Variants in POLN observed in about 807,000 individuals in gnomAD.
The protein encoded by POLN is DNA polymerase nu.
Under a neutral mutation model 113.5 loss-of-function variants are expected in POLN, and 108 were observed. The ratio of observed to expected loss-of-function variants is 0.95; its 90% CI spans 0.81 to 1.12. POLN has a LOEUF of 1.12. Ranked by LOEUF, POLN falls within the 50% of genes most tolerant of loss-of-function variation. The pLI is 0.00. For synonymous variants in POLN, 386 were observed against 391.5 expected (o/e 0.99, Z 0.17); for missense variants, 1,097 against 1,077.1 (o/e 1.02, Z -0.26).
chr4:2,201,305 G>GAAAAAAAAAAAA (rs1733709580), intron 5 of POLN, among the ~76,000 whole-genome samples: 1 of 58,106 alleles, frequency 1.7e-5, no homozygotes, highest in African/African-American at 1.0e-4. Context: ...AAAAAAAAAC[G>GAAAAAAAAAAAA]AGGGGAGAAA....
At chr4:2,180,507 C>G (rs1733111540) in intron 7 of POLN, among the ~76,000 whole-genome samples, 1 of 151,956 alleles carries the variant, frequency 6.6e-6, no homozygotes, top group Admixed American at 6.6e-5. Context: ...TTATATTTAC[C>G]AAAGCAGCCA....
At chr4:2,181,043 T>TA (rs1733127322) in intron 7 of POLN, among the ~76,000 whole-genome samples, 1 of 150,460 alleles carries the variant, frequency 6.6e-6, no homozygotes, top group African/African-American at 2.4e-5. Flanking sequence ...ATTTCAGAAA[T>TA]AAAAACTAAA....
In POLN at chr4:2,213,116, C is replaced by T. The variant is rs768814650; in HGVS notation, c.144G>A (p.Val48=). 9.4e-6 allele frequency: 15 copies of T among 1,601,598 alleles called. No homozygotes were observed. The African/African-American group carries it at 2.0e-4, about 22-fold the overall frequency. Residue 48 remains valine, a synonymous_variant, in exon 4 of 26, where the codon GTG becomes GTA. Coordinates refer to ENST00000511885, the MANE Select transcript of POLN (RefSeq NM_181808.4). ...TWGKSTETME[V]INKSSVKYSV... is the part of the protein sequence containing the mutation. ...AATACTTAACACTGGACTTGTTTAT[C>T]ACTTCCATAGCTTTTAAAAACAACA...
intron 23 of POLN, 46 bp from the exon 24 acceptor site, chr4:2,075,565 G>T: frequency 6.3e-7 from 1 of 1,593,750 alleles, no homozygotes; most frequent in Non-Finnish European, 8.6e-7. Context: ...GGACTGTGGG[G>T]CGTGGGCCAC....
intron 4 of POLN, among the ~76,000 whole-genome samples, chr4:2,212,334 T>A (rs949635608): frequency 6.6e-6 from 1 of 152,140 alleles, no homozygotes; most frequent in Non-Finnish European, 1.5e-5. Context: ...AATTTCTCAA[T>A]GTTTTGCCTC....
intron 3 of POLN, among the ~76,000 whole-genome samples, chr4:2,214,592 G>A (rs1042553337): frequency 6.6e-6 from 1 of 152,056 alleles, no homozygotes; most frequent in Non-Finnish European, 1.5e-5. Context: ...CAATACTCAG[G>A]GAAACGCAAA....
At chr4:2,161,220 G>C (rs566180706) in intron 13 of POLN, among the ~76,000 whole-genome samples, 8 of 152,360 alleles carry the variant, frequency 5.3e-5, no homozygotes, top group African/African-American at 1.9e-4. Flanking sequence ...CCCCTTTCTG[G>C]GCTGGCCAAG....
At chr4:2,157,020 C>T (rs917642143) in intron 15 of POLN, among the ~76,000 whole-genome samples, 167 bp from the exon 16 acceptor site, 1 of 152,154 alleles carries the variant, frequency 6.6e-6, no homozygotes, top group Non-Finnish European at 1.5e-5. Flanking sequence ...TTACAAAACT[C>T]CTGACACGTG....
intron 12 of POLN, 136 bp downstream of exon 12, chr4:2,170,962 A>G (rs1732846228): frequency 2.2e-6 from 2 of 895,642 alleles, no homozygotes; most frequent in African/African-American, 3.4e-5. Flanking sequence ...CAATGTGTTC[A>G]TTACTTGTGA....
chr4:2,209,206 G>A (rs983934126), intron 4 of POLN, among the ~76,000 whole-genome samples: 1 of 152,058 alleles, frequency 6.6e-6, no homozygotes. Context: ...TTTGGGCCAG[G>A]TGCAGTGGCT....
intron 3 of POLN, among the ~76,000 whole-genome samples, chr4:2,216,558 G>A (rs115246732): frequency 0.012 from 1,886 of 152,318 alleles, 42 homozygotes; most frequent in African/African-American, 0.043. Context: ...GTGTGGCTGT[G>A]AGGGAGACAG....
intron 3 of POLN, among the ~76,000 whole-genome samples, chr4:2,218,431 G>A (rs931961734): frequency 2.0e-5 from 3 of 151,038 alleles, no homozygotes; most frequent in Admixed American, 2.0e-4. Context: ...GGCAACAAGG[G>A]TGAAACTGCC....
In POLN at chr4:2,235,878, T is replaced by C. The variant is rs1432457476; in HGVS notation, c.-13+5642A>G. The stretch of plus-strand genomic sequence containing the variant: ...ATTATATTAGGAGGAGCATGTACCA[T>C]TAAGTGTACACAGAGGATTTTAAAG... On this transcript the variant is annotated intron_variant, in intron 2 of 25. Coordinates refer to ENST00000511885, the MANE Select transcript of POLN (RefSeq NM_181808.4). 2.0e-5 allele frequency among the ~76,000 whole-genome samples: 3 copies of C among 152,152 alleles called. No individual in the cohort carries two copies. In the East Asian group the frequency reaches 5.8e-4, roughly 29 times the overall value.
rs77599901 is a variant in POLN, at chr4:2,172,479, A to G, written c.1375-1298T>C. Among the ~76,000 whole-genome samples, 706 of 152,230 alleles carry G rather than the reference A, an allele frequency of 4.6e-3. 8 individuals carry two copies. The highest frequency in any genetic ancestry group is 0.016 in the African/African-American group (670 of 41,522). On this transcript the variant is annotated intron_variant, in intron 11 of 25. Coordinates refer to ENST00000511885, the MANE Select transcript of POLN (RefSeq NM_181808.4). ...CAACTCCCCTTCCTCTCTTCAGAAC[A>G]CTTATTGGCCTTTAGCTGAACCTGT...
rs1190158118 is a variant in POLN, at chr4:2,078,625, C to G, written c.2387+2333G>C. The stretch of plus-strand genomic sequence containing the variant: ...CGAGAGATGCCTGGCCACACTGAGC[C>G]TGCACCCGTCCCTTCCAGACGCCAT... On this transcript the variant is annotated intron_variant, in intron 23 of 25. Transcript: ENST00000511885. 5.1e-6 allele frequency: 5 copies of G among 985,386 alleles called. No individual in the cohort carries two copies. In the East Asian group the frequency reaches 4.5e-4, roughly 89 times the overall value. The allele number at this position is 985,386 out of a possible 1,614,324, so 61.0% of individuals were successfully genotyped here.
chr4:2,105,658 GA>G (rs1252094734), intron 19 of POLN, among the ~76,000 whole-genome samples: 2 of 152,142 alleles, frequency 1.3e-5, no homozygotes, highest in Non-Finnish European at 2.9e-5. Flanking sequence ...ACAAGGCAGA[GA>G]GGGGGAGCTG....
intron 16 of POLN, among the ~76,000 whole-genome samples, chr4:2,149,883 A>G (rs1428006896): frequency 6.6e-6 from 1 of 152,060 alleles, no homozygotes. Context: ...GGATTTTGAG[A>G]CCAGCCTGGC....
At chr4:2,088,617 A>C in intron 20 of POLN, 1 of 650,810 alleles carries the variant, frequency 1.5e-6, no homozygotes, top group Non-Finnish European at 2.2e-6. Flanking sequence ...TTTTCATGAA[A>C]ATCACAATTT....
At chr4:2,220,294 C>A (rs748183440) in intron 3 of POLN, among the ~76,000 whole-genome samples, 3 of 152,180 alleles carry the variant, frequency 2.0e-5, no homozygotes, top group African/African-American at 4.8e-5. Flanking sequence ...AACCAGTGTA[C>A]TAGACACCCA....
Sources: gnomAD v4.1 joint callset for allele counts (sites outside exome capture counted in the v4.1 genomes callset) on GRCh38, gnomAD v4.1.1 for gene constraint, MANE v1.5 for transcripts, NCBI Gene and HGNC (gene_info 2026-07-23, HGNC 2026-07-21) for gene names.